The following TSHR variants were observed in gnomAD, a reference collection of about 807,000 sequenced individuals.
TSHR encodes thyrotropin receptor.
A neutral mutation model predicts 64.1 loss-of-function variants in TSHR; 51 were observed. That is an observed-to-expected ratio of 0.80 (90% CI 0.64 to 1.01). The LOEUF (loss-of-function observed/expected upper bound fraction) is 1.01, where lower values mean the gene tolerates loss of function less well. TSHR is among the 50% of genes least tolerant of loss of function. The probability of loss-of-function intolerance (pLI) is 0.00; values close to 1 mark genes in which losing one functional copy is unlikely to be tolerated. For missense variants in TSHR, 877 were observed against 942.8 expected (o/e 0.93, Z 0.91); for synonymous variants, 361 against 361.9 (o/e 1.00, Z 0.03).
intron 1 of TSHR, chr14:81,013,617 TATGAGCCATGGGCTTTAGTAA>T (rs1890035973): frequency 6.6e-6 from 1 of 152,192 alleles, no homozygotes; most frequent in Admixed American, 6.5e-5. Context: ...CATACTCTGT[TATGAGCCATGGGCTTTAGTAA>T]GTTCTCATGA....
At chr14:80,983,579 G>C (rs1015364327) in intron 1 of TSHR, 56 of 1,116,104 alleles carry the variant, frequency 5.0e-5, no homozygotes, top group South Asian at 4.0e-4. Context: ...TTGATCACTT[G>C]AGTTATAATA....
At chr14:80,969,640 C>T (rs955202001) in intron 1 of TSHR, among the ~76,000 whole-genome samples, 2 of 152,204 alleles carry the variant, frequency 1.3e-5, no homozygotes, top group Non-Finnish European at 2.9e-5. Flanking sequence ...TGGGTCCATG[C>T]TTGGCTTCCA....
At chr14:81,004,791 A>G (rs541830574) in intron 1 of TSHR, among the ~76,000 whole-genome samples, 10 of 152,316 alleles carry the variant, frequency 6.6e-5, no homozygotes, top group Non-Finnish European at 1.5e-4. Flanking sequence ...AAATACTGGA[A>G]GTCATATTCA....
chr14:81,084,568 G>A (rs960016223), intron 3 of TSHR, among the ~76,000 whole-genome samples: 1 of 152,182 alleles, frequency 6.6e-6, no homozygotes, highest in Non-Finnish European at 1.5e-5. Context: ...CTTGCTCATG[G>A]GAGAGTACTG....
intron 3 of TSHR, among the ~76,000 whole-genome samples, chr14:81,077,304 A>G (rs951811366): frequency 6.6e-6 from 1 of 152,242 alleles, no homozygotes; most frequent in Non-Finnish European, 1.5e-5. Context: ...AAATGAAACA[A>G]TGTATTCTGA....
chr14:81,018,229 G>A (rs116905749), intron 1 of TSHR, among the ~76,000 whole-genome samples: 1,803 of 152,256 alleles, frequency 0.012, 21 homozygotes, highest in African/African-American at 0.016. Context: ...CCCAATAAAT[G>A]TTCTTTAAAT....
chr14:81,088,967 G>A (rs1264950958), intron 4 of TSHR, among the ~76,000 whole-genome samples: 1 of 147,898 alleles, frequency 6.8e-6, no homozygotes, highest in Non-Finnish European at 1.5e-5. Flanking sequence ...CAGCTTCTTT[G>A]GGGAACTAAA....
rs79432168 is a variant in TSHR at position 81,103,100 on chromosome 14, G to A, written c.615-5275G>A. The stretch of plus-strand genomic sequence containing the variant: ...AATCCAGTGTAAAATCAAAATGATG[G>A]TTGTGATAAGGAGCCCTGGGACTGG... On this transcript the variant is annotated intron_variant, in intron 7 of 9. Transcript: ENST00000298171. The surrounding 1 kb of genome is among the most constrained non-coding windows in gnomAD (Gnocchi z 4.1). The A allele has an allele frequency of 7.1e-4, 696 of 985,370 alleles. 4 individuals are homozygous for A. In the African/African-American group the frequency reaches 0.011, roughly 16 times the overall value. The allele number at this position is 985,370 out of a possible 1,614,324, so 61.0% of individuals were successfully genotyped here.
chr14:81,127,041 T>G (rs1293564954), intron 8 of TSHR, among the ~76,000 whole-genome samples: 2 of 152,252 alleles, frequency 1.3e-5, no homozygotes, highest in Non-Finnish European at 2.9e-5. Context: ...AGGTTTTACT[T>G]GTGATTTTAC....
intron 3 of TSHR, among the ~76,000 whole-genome samples, chr14:81,079,845 A>T (rs1595067315): frequency 6.9e-6 from 1 of 145,702 alleles, no homozygotes; most frequent in Non-Finnish European, 1.5e-5. Flanking sequence ...ACAGAATGAG[A>T]CCCCTAGCTC....
chr14:80,998,907 C>T (rs753680262), intron 1 of TSHR, among the ~76,000 whole-genome samples: 1 of 152,200 alleles, frequency 6.6e-6, no homozygotes, highest in Non-Finnish European at 1.5e-5. Flanking sequence ...AAAAGTACAT[C>T]TCCATGACTA....
At chr14:81,033,183 G>C in intron 1 of TSHR, 1 of 435,282 alleles carries the variant, frequency 2.3e-6, no homozygotes, top group South Asian at 2.0e-5. Flanking sequence ...TGAATGAATG[G>C]ATCACTAATG....
intron 1 of TSHR, among the ~76,000 whole-genome samples, chr14:80,985,208 C>G (rs1011953385): frequency 1.3e-5 from 2 of 152,212 alleles, no homozygotes; most frequent in African/African-American, 4.8e-5. Flanking sequence ...GGAGATCGCG[C>G]CACTGCACTC....
At chr14:81,116,890 A>T (rs1190340261) in intron 8 of TSHR, among the ~76,000 whole-genome samples, 2 of 147,316 alleles carry the variant, frequency 1.4e-5, no homozygotes, top group African/African-American at 5.1e-5. Flanking sequence ...ACTCAAAACC[A>T]CTCAACTACA....
chr14:81,114,871 C>T (rs1181749489), intron 8 of TSHR, among the ~76,000 whole-genome samples: 2 of 152,150 alleles, frequency 1.3e-5, no homozygotes, highest in African/African-American at 4.8e-5. Flanking sequence ...GGTCCCTGAC[C>T]CCTGACCCCC....
At chr14:81,088,115 G>T in intron 4 of TSHR, 87 bp downstream of exon 4, 1 of 1,085,010 alleles carries the variant, frequency 9.2e-7, no homozygotes, top group Non-Finnish European at 1.4e-6. Context: ...CTCCCTAGAT[G>T]ATGTGGTCCA....
chr14:81,087,768 C>T, intron 3 of TSHR, 186 bp from the exon 4 acceptor site: 1 of 664,276 alleles, frequency 1.5e-6, no homozygotes, highest in South Asian at 1.6e-5. Context: ...CATTGGGTCC[C>T]CGTGAGGAGA....
intron 1 of TSHR, among the ~76,000 whole-genome samples, chr14:81,046,406 A>T (rs1885168123): frequency 6.6e-6 from 1 of 152,108 alleles, no homozygotes; most frequent in African/African-American, 2.4e-5. Context: ...AAATAACTGG[A>T]TGAGATTAAC....
chr14:81,060,110 G>T (rs185535067), intron 1 of TSHR, among the ~76,000 whole-genome samples: 2 of 151,934 alleles, frequency 1.3e-5, no homozygotes, highest in Non-Finnish European at 2.9e-5. Context: ...TTTGAACATG[G>T]GCTAAACTCA....
Sources: gnomAD v4.1 joint callset for allele counts (sites outside exome capture counted in the v4.1 genomes callset) on GRCh38, gnomAD v4.1.1 for gene constraint, Gnocchi (gnomAD v3.1) non-coding constraint, MANE v1.5 for transcripts, NCBI Gene and HGNC (gene_info 2026-07-23, HGNC 2026-07-21) for gene names.